The following PCDH7 variants were observed in gnomAD, a reference collection of about 807,000 sequenced individuals.
PCDH7 encodes protocadherin-7.
In PCDH7, 17 loss-of-function variants were observed where a neutral mutation model predicts 58.9. The observed-to-expected ratio is 0.29, with a 90% CI of 0.20 to 0.43. The LOEUF is 0.43. Among genes scored for constraint, PCDH7 ranks in the 20% least tolerant of loss-of-function variants. The pLI is 1.00. For synonymous variants in PCDH7, 664 were observed against 616.4 expected, an observed-to-expected ratio of 1.08 and a Z score of -1.14; for missense variants, 1,274 against 1,441.0, an observed-to-expected ratio of 0.88 and a Z score of 1.88.
At chr4:30,832,795 G>A (rs544595334) in intron 1 of PCDH7, among the ~76,000 whole-genome samples, 170 of 152,144 alleles carry the variant, frequency 1.1e-3, no homozygotes, top group Non-Finnish European at 1.7e-3. Context: ...CCTCCAGGCA[G>A]TCCCTGTCTA....
intron 3 of PCDH7, among the ~76,000 whole-genome samples, chr4:31,058,073 GT>G (rs1251887043): frequency 2.6e-5 from 4 of 152,024 alleles, no homozygotes; most frequent in African/African-American, 9.7e-5. Context: ...TAAAATAAGA[GT>G]TTGCAGCTTT....
intron 1 of PCDH7, among the ~76,000 whole-genome samples, chr4:30,855,127 T>G (rs1285504030): frequency 2.0e-5 from 3 of 152,164 alleles, no homozygotes; most frequent in Non-Finnish European, 4.4e-5. Flanking sequence ...TTTCTGGGGC[T>G]TCTGACAAGG....
intron 3 of PCDH7, among the ~76,000 whole-genome samples, chr4:31,096,415 G>A (rs567906707): frequency 6.6e-6 from 1 of 152,074 alleles, no homozygotes; most frequent in South Asian, 2.1e-4. Flanking sequence ...ATATAAAAAG[G>A]ATCTAAAGAA....
chr4:30,778,998 A>G (rs367675560), intron 1 of PCDH7, among the ~76,000 whole-genome samples: 1 of 103,106 alleles, frequency 9.7e-6, no homozygotes, highest in African/African-American at 4.0e-5. Flanking sequence ...TGGCCTCCTT[A>G]CTCCGTTTTT....
chr4:30,862,274 A>G (rs1734303987), intron 1 of PCDH7, among the ~76,000 whole-genome samples: 1 of 152,216 alleles, frequency 6.6e-6, no homozygotes, highest in Non-Finnish European at 1.5e-5. Context: ...GCTCTCCAGG[A>G]ATTTCAGAGA....
At chr4:30,962,623 CA>C (rs1211880077) in intron 3 of PCDH7, among the ~76,000 whole-genome samples, 1 of 151,414 alleles carries the variant, frequency 6.6e-6, no homozygotes, top group Non-Finnish European at 1.5e-5. Flanking sequence ...TCCATCTCTA[CA>C]AAAAATTAAA....
chr4:31,032,476 T>C (rs4692110), intron 3 of PCDH7, among the ~76,000 whole-genome samples: 69,455 of 151,134 alleles, frequency 0.46, 16,220 homozygotes, highest in South Asian at 0.66. Flanking sequence ...GTTGTGGTAG[T>C]GCATGACTGT....
intron 1 of PCDH7, among the ~76,000 whole-genome samples, chr4:30,823,940 C>T (rs984081841): frequency 6.6e-6 from 1 of 152,050 alleles, no homozygotes; most frequent in Non-Finnish European, 1.5e-5. Context: ...TTTTATTCCT[C>T]ATCAAATTTG....
chr4:30,800,819 G>C (rs755621686), intron 1 of PCDH7, among the ~76,000 whole-genome samples: 26 of 152,178 alleles, frequency 1.7e-4, no homozygotes, highest in African/African-American at 6.0e-4. Context: ...GTGACTAGAT[G>C]GGAAGTGGAA....
intron 1 of PCDH7, among the ~76,000 whole-genome samples, chr4:30,764,817 T>G (rs2109272234): frequency 6.6e-6 from 1 of 152,188 alleles, no homozygotes; most frequent in African/African-American, 2.4e-5. Flanking sequence ...CCCTCCCTGG[T>G]TCAAGCTATT....
chr4:31,125,952 TAAGGGCACAGGTCTGGCA>T (rs1718245290), intron 3 of PCDH7, among the ~76,000 whole-genome samples: 1 of 152,148 alleles, frequency 6.6e-6, no homozygotes, highest in South Asian at 2.1e-4. Flanking sequence ...ATATTGTGAT[TAAGGGCACAGGTCTGGCA>T]TCAGACTACT....
chr4:31,128,726 A>C (rs1231518338), intron 3 of PCDH7, among the ~76,000 whole-genome samples: 1 of 152,138 alleles, frequency 6.6e-6, no homozygotes, highest in Non-Finnish European at 1.5e-5. Flanking sequence ...AGCAGCCTCT[A>C]CTGACTCTAC....
chr4:31,035,410 C>T (rs1340234222), intron 3 of PCDH7, among the ~76,000 whole-genome samples: 4 of 152,016 alleles, frequency 2.6e-5, no homozygotes, highest in South Asian at 2.1e-4. Flanking sequence ...TGTGCCACCA[C>T]GCCCGGCTAA....
chr4:31,092,654 C>G (rs1441081715), intron 3 of PCDH7, among the ~76,000 whole-genome samples: 4 of 151,972 alleles, frequency 2.6e-5, no homozygotes, highest in African/African-American at 9.7e-5. Context: ...TACAGGCAAC[C>G]TATAGATGCA....
intron 3 of PCDH7, among the ~76,000 whole-genome samples, chr4:31,024,200 A>G (rs1398917200): frequency 6.6e-6 from 1 of 152,214 alleles, no homozygotes; most frequent in Non-Finnish European, 1.5e-5. Flanking sequence ...CGCTTTTTTC[A>G]GAGCACTCAA....
intron 3 of PCDH7, among the ~76,000 whole-genome samples, chr4:31,046,956 G>A (rs931384529): frequency 3.3e-5 from 5 of 151,922 alleles, no homozygotes; most frequent in South Asian, 2.1e-4. Context: ...GTTATAAAGG[G>A]ATAAATGAGA....
intron 1 of PCDH7, among the ~76,000 whole-genome samples, chr4:30,795,417 CTG>C (rs1724658459): frequency 6.6e-6 from 1 of 152,310 alleles, no homozygotes; most frequent in Admixed American, 6.5e-5. Context: ...AAGTAAGAAA[CTG>C]TAAGTAATAG....
intron 3 of PCDH7, among the ~76,000 whole-genome samples, chr4:31,042,393 T>C (rs1249588122): frequency 6.6e-6 from 1 of 152,158 alleles, no homozygotes; most frequent in Non-Finnish European, 1.5e-5. Flanking sequence ...TTAATGACTG[T>C]TAATTACATT....
intron 2 of PCDH7, among the ~76,000 whole-genome samples, chr4:30,934,226 G>A (rs769333370): frequency 1.3e-5 from 2 of 151,894 alleles, no homozygotes; most frequent in Non-Finnish European, 2.9e-5. Flanking sequence ...TTTTTCTTTC[G>A]CTGCCTACGT....
Sources: gnomAD v4.1 joint callset for allele counts (sites outside exome capture counted in the v4.1 genomes callset) on GRCh38, gnomAD v4.1.1 for gene constraint, MANE v1.5 for transcripts, NCBI Gene and HGNC (gene_info 2026-07-23, HGNC 2026-07-21) for gene names.